Variants in MDGA2 observed in about 807,000 individuals in gnomAD.
MDGA2 encodes the protein MAM domain containing glycosylphosphatidylinositol anchor 2.
Under a neutral mutation model 117.8 loss-of-function variants are expected in MDGA2, and 40 were observed. The ratio of observed to expected loss-of-function variants is 0.34; its 90% CI spans 0.26 to 0.44. The LOEUF (loss-of-function observed/expected upper bound fraction) is 0.44. Among genes scored for constraint, MDGA2 ranks in the 20% least tolerant of loss-of-function variants. The pLI, the probability that MDGA2 is intolerant of heterozygous loss-of-function variation, is 1.00. For synonymous variants in MDGA2, 452 were observed against 439.0 expected, an observed-to-expected ratio of 1.03 and a Z score of -0.37; for missense variants, 1,123 against 1,250.6, an observed-to-expected ratio of 0.90 and a Z score of 1.54.
chr14:47,146,240 C>T (rs1882940303), intron 3 of MDGA2, among the ~76,000 whole-genome samples: 1 of 152,072 alleles, frequency 6.6e-6, no homozygotes, highest in Non-Finnish European at 1.5e-5. Context: ...ATGTGATTCA[C>T]TTGACAGCCC....
intron 8 of MDGA2, among the ~76,000 whole-genome samples, chr14:46,971,530 A>G (rs1227534684): frequency 6.6e-6 from 1 of 152,128 alleles, no homozygotes; most frequent in African/African-American, 2.4e-5. Context: ...GATAGAGTAT[A>G]GATAGATATC....
At chr14:47,463,006 T>A (rs1035153653) in intron 1 of MDGA2, among the ~76,000 whole-genome samples, 8 of 152,050 alleles carry the variant, frequency 5.3e-5, no homozygotes, top group Non-Finnish European at 2.9e-5. Context: ...AGAAAAGAAA[T>A]CTTTGTGTGT....
intron 8 of MDGA2, among the ~76,000 whole-genome samples, chr14:46,982,161 A>G (rs2138386396): frequency 6.6e-6 from 1 of 152,302 alleles, no homozygotes; most frequent in Non-Finnish European, 1.5e-5. Context: ...TGTTTCAGCT[A>G]TGTACACAAG....
intron 3 of MDGA2, among the ~76,000 whole-genome samples, chr14:47,182,814 G>T (rs1426360361): frequency 6.6e-6 from 1 of 152,014 alleles, no homozygotes. Flanking sequence ...ATACAAATCT[G>T]CTCTCAAACA....
rs1334438102 is a variant in MDGA2 at position 47,058,763 on chromosome 14, C to T, written c.1525+2486G>A. 25 of 985,376 alleles carry T rather than the reference C, an allele frequency of 2.5e-5. No individual in the cohort carries two copies. The Admixed American group carries it at 1.1e-3, about 44-fold the overall frequency. The allele number at this position is 985,376 out of a possible 1,614,324, so 61.0% of individuals were successfully genotyped here. Reference sequence around the variant, plus strand: ...TTGGCTTGAAGACAGAATATGTAATCATCTTCAGTAACTCATTCTTTAGGT... The same window carrying T: ...TTGGCTTGAAGACAGAATATGTAATTATCTTCAGTAACTCATTCTTTAGGT... On this transcript the variant is annotated intron_variant, in intron 7 of 16. Transcript: ENST00000399232.
At chr14:47,367,638 A>G (rs965213315) in intron 1 of MDGA2, among the ~76,000 whole-genome samples, 1 of 152,190 alleles carries the variant, frequency 6.6e-6, no homozygotes, top group Non-Finnish European at 1.5e-5. Context: ...TAAAAACTGT[A>G]CTATTCTTTT....
intron 5 of MDGA2, among the ~76,000 whole-genome samples, chr14:47,113,021 G>A (rs1881129381): frequency 6.6e-6 from 1 of 152,018 alleles, no homozygotes; most frequent in Non-Finnish European, 1.5e-5. Flanking sequence ...TCATATGCTT[G>A]TTGCCTGCTT....
chr14:47,554,918 C>G (rs1220085169), intron 1 of MDGA2, among the ~76,000 whole-genome samples: 2 of 152,104 alleles, frequency 1.3e-5, no homozygotes, highest in Non-Finnish European at 2.9e-5. Context: ...TTTCTCTTTT[C>G]TAATTTTTCC....
intron 1 of MDGA2, among the ~76,000 whole-genome samples, chr14:47,499,484 C>T (rs1293999413): frequency 3.3e-5 from 5 of 152,136 alleles, no homozygotes; most frequent in Admixed American, 1.3e-4. Flanking sequence ...TATACATAAA[C>T]ACTGTTATTC....
chr14:47,174,758 C>T (rs563839483), intron 3 of MDGA2, among the ~76,000 whole-genome samples: 1 of 152,154 alleles, frequency 6.6e-6, no homozygotes, highest in South Asian at 2.1e-4. Context: ...CAAGAGCAAA[C>T]ACATTCAAAA....
rs527533945 is a variant in MDGA2 at position 47,261,000 on chromosome 14, A to T, written c.420+40411T>A. 8.5e-5 allele frequency among the ~76,000 whole-genome samples: 13 copies of T among 152,216 alleles called. No homozygotes were observed. The South Asian group carries it at 2.5e-3, about 29-fold the overall frequency. ...GTTAGCATTCTAGCCCACTGAGTTA[A>T]TAATATGGACAAGAATGGCATAAAA... On this transcript the variant is annotated intron_variant, in intron 2 of 16. Coordinates refer to ENST00000399232, the MANE Select transcript of MDGA2 (RefSeq NM_001113498.3).
At chr14:47,588,995 T>G (rs1186977741) in intron 1 of MDGA2, among the ~76,000 whole-genome samples, 1 of 151,896 alleles carries the variant, frequency 6.6e-6, no homozygotes, top group African/African-American at 2.4e-5. Flanking sequence ...TTTCCTCCTC[T>G]GATTACAACT....
chr14:46,882,505 C>T (rs559787942), intron 10 of MDGA2, among the ~76,000 whole-genome samples: 11 of 149,960 alleles, frequency 7.3e-5, no homozygotes, highest in Non-Finnish European at 3.0e-5. Context: ...ATCTTGAAGT[C>T]GGGAGAGATC....
intron 2 of MDGA2, among the ~76,000 whole-genome samples, chr14:47,222,524 C>T (rs773046190): frequency 6.6e-6 from 1 of 152,068 alleles, no homozygotes; most frequent in Non-Finnish European, 1.5e-5. Context: ...TTCTGAGATT[C>T]AGGCAGTTCT....
At chr14:47,205,591 T>C (rs1002378706) in intron 3 of MDGA2, among the ~76,000 whole-genome samples, 1 of 151,840 alleles carries the variant, frequency 6.6e-6, no homozygotes, top group African/African-American at 2.4e-5. Context: ...ATCCTTTCAA[T>C]AGAAAAAAAG....
intron 6 of MDGA2, among the ~76,000 whole-genome samples, chr14:47,064,740 A>T (rs1014969394): frequency 6.6e-6 from 1 of 152,104 alleles, no homozygotes; most frequent in Non-Finnish European, 1.5e-5. Flanking sequence ...TTGAAAATAT[A>T]AAGTGTTTGA....
At chr14:47,262,135 A>T (rs1185730570) in intron 2 of MDGA2, among the ~76,000 whole-genome samples, 1 of 152,182 alleles carries the variant, frequency 6.6e-6, no homozygotes, top group Non-Finnish European at 1.5e-5. Flanking sequence ...GACACTCAGA[A>T]ATGCAAAAGA....
chr14:47,202,641 C>T (rs1350111698), intron 3 of MDGA2, among the ~76,000 whole-genome samples: 1 of 152,160 alleles, frequency 6.6e-6, no homozygotes, highest in Non-Finnish European at 1.5e-5. Context: ...TACAGCAATC[C>T]TATAAGGGAG....
At chr14:47,595,375 A>C (rs1002920796) in intron 1 of MDGA2, among the ~76,000 whole-genome samples, 2 of 151,938 alleles carry the variant, frequency 1.3e-5, no homozygotes, top group Non-Finnish European at 2.9e-5. Context: ...TTTCTACTAA[A>C]AATACAAAAA....
Sources: gnomAD v4.1 joint callset for allele counts (sites outside exome capture counted in the v4.1 genomes callset) on GRCh38, gnomAD v4.1.1 for gene constraint, MANE v1.5 for transcripts, NCBI Gene and HGNC (gene_info 2026-07-23, HGNC 2026-07-21) for gene names.